Variants in PREX1 observed in about 807,000 individuals in gnomAD.
The protein encoded by PREX1 is phosphatidylinositol 3,4,5-trisphosphate-dependent Rac exchanger 1 protein.
PREX1 carries 41 observed loss-of-function variants against 198.3 expected under a neutral mutation model. The observed-to-expected ratio is 0.21, with a 90% CI of 0.16 to 0.27. PREX1 has a LOEUF of 0.27. Ranked by LOEUF, PREX1 falls within the 10% of genes least tolerant of loss-of-function variation. The probability of loss-of-function intolerance (pLI) is 1.00; values close to 1 mark genes in which losing one functional copy is unlikely to be tolerated. For missense variants in PREX1, 1,620 were observed against 2,200.7 expected (o/e 0.74, Z 5.28); for synonymous variants, 843 against 887.2 (o/e 0.95, Z 0.89).
chr20:48,810,722 A>G (rs2090430292), intron 1 of PREX1, among the ~76,000 whole-genome samples: 1 of 151,876 alleles, frequency 6.6e-6, no homozygotes, highest in African/African-American at 2.4e-5. Flanking sequence ...CCCCATCTCT[A>G]TTAAAAATAC....
intron 18 of PREX1, among the ~76,000 whole-genome samples, 176 bp from the exon 19 acceptor site, chr20:48,655,551 C>G (rs1461483885): frequency 6.6e-6 from 1 of 152,182 alleles, no homozygotes; most frequent in Non-Finnish European, 1.5e-5. Flanking sequence ...AAATGTCAAT[C>G]AGGCAGAGCC....
chr20:48,663,445 T>C (rs2089611738), intron 15 of PREX1, among the ~76,000 whole-genome samples: 2 of 152,214 alleles, frequency 1.3e-5, no homozygotes, highest in Non-Finnish European at 2.9e-5. Context: ...GAGAATCACT[T>C]GAACCTGGGA....
At chr20:48,672,782 C>G (rs1313467151) in intron 14 of PREX1, among the ~76,000 whole-genome samples, 1 of 152,254 alleles carries the variant, frequency 6.6e-6, no homozygotes, top group Non-Finnish European at 1.5e-5. Context: ...CCTGTGTAAA[C>G]TGCACCACCC....
chr20:48,793,128 C>T (rs1473193185), intron 1 of PREX1, among the ~76,000 whole-genome samples: 4 of 152,086 alleles, frequency 2.6e-5, no homozygotes, highest in East Asian at 3.8e-4. Flanking sequence ...TTGCTTGAAC[C>T]GGAAGGCAGA....
At position 48,679,352 on chromosome 20, in the gene PREX1, T is replaced by G. The variant is rs778516421; in HGVS notation, c.1589+8A>C. 14 of 1,610,410 alleles carry G rather than the reference T, an allele frequency of 8.7e-6. No homozygotes were observed. The highest frequency in any genetic ancestry group is 1.2e-5 in the Non-Finnish European group (14 of 1,177,256). Reference sequence around the variant, plus strand: ...AGGTGAAATTGGAGCTTGGAAAGAGTAACTTACTTGATCACCGGGGTGTAG... The same window carrying G: ...AGGTGAAATTGGAGCTTGGAAAGAGGAACTTACTTGATCACCGGGGTGTAG... On this transcript the variant is annotated splice_region_variant and intron_variant, in intron 13 of 39. Transcript: ENST00000371941.
At chr20:48,747,133 A>C (rs1381608201) in intron 2 of PREX1, among the ~76,000 whole-genome samples, 1 of 152,168 alleles carries the variant, frequency 6.6e-6, no homozygotes, top group East Asian at 1.9e-4. Context: ...CGTCCAGATT[A>C]ATCAGGGCGT....
At chr20:48,792,271 G>C (rs1257894990) in intron 1 of PREX1, among the ~76,000 whole-genome samples, 1 of 152,100 alleles carries the variant, frequency 6.6e-6, no homozygotes, top group African/African-American at 2.4e-5. Flanking sequence ...AGGAGTTCGA[G>C]ACCAGCCTGA....
At position 48,724,680 on chromosome 20, in the gene PREX1, T is replaced by C. The variant is rs185930211; in HGVS notation, c.621+1610A>G. Among the ~76,000 whole-genome samples the C allele has an allele frequency of 2.0e-5, 3 of 152,378 alleles. No homozygotes were observed. The East Asian group carries it at 5.8e-4, about 29-fold the overall frequency. ...TCATAGGCTGTATAAAAACAGGCCA[T>C]GGGCTATATTTGGCCCAGAGGCCAC... is the stretch of plus-strand genomic sequence containing the variant. On this transcript the variant is annotated intron_variant, in intron 5 of 39. Coordinates refer to ENST00000371941, the MANE Select transcript of PREX1 (RefSeq NM_020820.4).
At chr20:48,633,198 G>C (rs146764839) in intron 33 of PREX1, among the ~76,000 whole-genome samples, 4 of 152,212 alleles carry the variant, frequency 2.6e-5, no homozygotes, top group Admixed American at 1.3e-4. Flanking sequence ...ACAGGCAGCT[G>C]CTGCTGCCTA....
chr20:48,649,262 G>C (rs1449499105), intron 25 of PREX1, 38 bp downstream of exon 25: 1 of 1,593,140 alleles, frequency 6.3e-7, no homozygotes, highest in Admixed American at 1.7e-5. Context: ...GAGAACACCT[G>C]CCCCTGCTCA....
At chr20:48,638,159 CACAT>C (rs2089380327) in intron 30 of PREX1, among the ~76,000 whole-genome samples, 2 of 152,106 alleles carry the variant, frequency 1.3e-5, no homozygotes, top group South Asian at 4.2e-4. Context: ...CAGAGACACA[CACAT>C]ATACTCATAC....
chr20:48,651,744 G>T lies in PREX1; in HGVS notation c.2468-161C>A, dbSNP rs955763524. Among the ~76,000 whole-genome samples, 9 of 152,282 alleles carry T rather than the reference G, an allele frequency of 5.9e-5. No homozygotes were observed. In the South Asian group the frequency reaches 6.2e-4, roughly 10 times the overall value. On this transcript the variant is annotated intron_variant, in intron 21 of 39. Transcript: ENST00000371941. ...CCAGAGTAGAGAGGCGAGTGGGGAA[G>T]TGATGGAAGGTGTTGGAGAGCCAGT...
Position 48,652,583 on chromosome 20 carries a change from T to C in PREX1, c.2467+3A>G, listed in dbSNP as rs1389222584. ...TCCTGTCATGCCATGCCCCGTCTATTACCTGAATCAGCCTGGTCTTCCTCC... is the reference window on the plus strand; with the variant it reads ...TCCTGTCATGCCATGCCCCGTCTATCACCTGAATCAGCCTGGTCTTCCTCC... On this transcript the variant is annotated splice_donor_region_variant and intron_variant, in intron 21 of 39. Coordinates refer to ENST00000371941, the MANE Select transcript of PREX1 (RefSeq NM_020820.4). 2 of 1,608,498 alleles carry C rather than the reference T, an allele frequency of 1.2e-6. No homozygotes were observed. The highest frequency in any genetic ancestry group is 2.2e-5 in the East Asian group (1 of 44,654).
At chr20:48,793,600 G>A (rs1408525933) in intron 1 of PREX1, among the ~76,000 whole-genome samples, 1 of 152,192 alleles carries the variant, frequency 6.6e-6, no homozygotes, top group Non-Finnish European at 1.5e-5. Context: ...AGGGTTACGT[G>A]ATTTTTCCTG....
At chr20:48,783,254 G>T (rs1395060335) in intron 1 of PREX1, among the ~76,000 whole-genome samples, 1 of 152,178 alleles carries the variant, frequency 6.6e-6, no homozygotes, top group Non-Finnish European at 1.5e-5. Flanking sequence ...GAGAGGCTTG[G>T]AAGGCAGAAC....
chr20:48,811,645 T>TGTGCATGC (rs2090436711), intron 1 of PREX1, among the ~76,000 whole-genome samples: 1 of 92,104 alleles, frequency 1.1e-5, no homozygotes, highest in African/African-American at 5.1e-5. Context: ...CACACACACG[T>TGTGCATGC]ACGTGTGCAT....
chr20:48,742,366 A>T (rs564284233), intron 3 of PREX1, among the ~76,000 whole-genome samples: 2 of 152,292 alleles, frequency 1.3e-5, no homozygotes, highest in African/African-American at 4.8e-5. Flanking sequence ...CATTCTCTCA[A>T]CCACCCTAGA....
the PREX1 span, among the ~76,000 whole-genome samples, chr20:48,887,167 T>C: frequency 2.6e-5 from 4 of 152,304 alleles, no homozygotes; most frequent in South Asian, 6.2e-4. Flanking sequence ...CTATTACTGA[T>C]CAGCCTCATA....
chr20:48,661,468 T>TATATATATATATATATATATATACAC (rs1373152651), intron 15 of PREX1, among the ~76,000 whole-genome samples: 3 of 76,800 alleles, frequency 3.9e-5, no homozygotes, highest in African/African-American at 3.0e-4. Flanking sequence ...TATATATATA[T>TATATATATATATATATATATATACAC]ACACACACAT....
Sources: gnomAD v4.1 joint callset for allele counts (sites outside exome capture counted in the v4.1 genomes callset) on GRCh38, gnomAD v4.1.1 for gene constraint, MANE v1.5 for transcripts, NCBI Gene and HGNC (gene_info 2026-07-23, HGNC 2026-07-21) for gene names.